The following RCOR1 variants were observed in gnomAD, a reference collection of about 807,000 sequenced individuals.
RCOR1 encodes REST corepressor 1.
A neutral mutation model predicts 64.0 loss-of-function variants in RCOR1; 12 were observed. The observed-to-expected ratio is 0.19, with a 90% CI of 0.12 to 0.30. The LOEUF is 0.30. Ranked by LOEUF, RCOR1 falls within the 10% of genes least tolerant of loss-of-function variation. The probability of loss-of-function intolerance (pLI) is 1.00; values close to 1 mark genes in which losing one functional copy is unlikely to be tolerated. For synonymous variants in RCOR1, 279 were observed against 227.2 expected (o/e 1.23, Z -2.05); for missense variants, 502 against 621.2 (o/e 0.81, Z 2.04).
At chr14:102,658,486 AAAT>A (rs1894769443) in intron 2 of RCOR1, 2 of 978,870 alleles carry the variant, frequency 2.0e-6, no homozygotes, top group Non-Finnish European at 2.4e-6. Flanking sequence ...ACTCTGAAAA[AAAT>A]AATAATAAAA....
chr14:102,716,967 A>G (rs1038256233), intron 8 of RCOR1, among the ~76,000 whole-genome samples: 1 of 152,094 alleles, frequency 6.6e-6, no homozygotes, highest in African/African-American at 2.4e-5. Flanking sequence ...ATACCCCTCT[A>G]CTTCTATAGG....
chr14:102,673,039 AAC>A (rs1895060580), intron 2 of RCOR1, among the ~76,000 whole-genome samples: 1 of 152,232 alleles, frequency 6.6e-6, no homozygotes, highest in Admixed American at 6.5e-5. Flanking sequence ...TTGTCTGCTT[AAC>A]ACTGGGATTT....
intron 2 of RCOR1, among the ~76,000 whole-genome samples, chr14:102,607,458 A>G (rs189758863): frequency 5.3e-5 from 8 of 152,174 alleles, no homozygotes; most frequent in Non-Finnish European, 8.8e-5. Flanking sequence ...AAAATTGACT[A>G]TTTTTTGGCC....
chr14:102,628,278 CAGAT>C (rs1220760774), intron 2 of RCOR1, among the ~76,000 whole-genome samples: 1 of 152,214 alleles, frequency 6.6e-6, no homozygotes, highest in Non-Finnish European at 1.5e-5. Context: ...AGCACTGTCA[CAGAT>C]AGACCCAGAA....
At chr14:102,605,023 G>A (rs796754030) in intron 2 of RCOR1, among the ~76,000 whole-genome samples, 8 of 144,978 alleles carry the variant, frequency 5.5e-5, no homozygotes, top group African/African-American at 1.3e-4. Flanking sequence ...AGCCGAGATC[G>A]TGCCACTGCA....
At chr14:102,648,004 T>C (rs1894510801) in intron 2 of RCOR1, among the ~76,000 whole-genome samples, 1 of 152,206 alleles carries the variant, frequency 6.6e-6, no homozygotes, top group Admixed American at 6.5e-5. Context: ...GATGGTCATA[T>C]TATTCCAGAT....
intron 2 of RCOR1, among the ~76,000 whole-genome samples, chr14:102,597,116 G>T (rs1370041328): frequency 7.0e-6 from 1 of 143,520 alleles, no homozygotes; most frequent in Non-Finnish European, 1.5e-5. Flanking sequence ...CAGGTGATCT[G>T]CCCCCCTCGG....
At chr14:102,603,690 A>G (rs1021738694) in intron 2 of RCOR1, among the ~76,000 whole-genome samples, 12 of 151,406 alleles carry the variant, frequency 7.9e-5, no homozygotes, top group African/African-American at 2.7e-4. Flanking sequence ...GCTTAATCTC[A>G]GCTCACTGCA....
chr14:102,662,529 G>A (rs1894844669), intron 2 of RCOR1: 4 of 505,646 alleles, frequency 7.9e-6, no homozygotes, highest in Non-Finnish European at 1.6e-5. Flanking sequence ...CTCTTCTGAG[G>A]ATATTTGGGC....
rs117531375 is a variant in RCOR1, at chr14:102,635,978, T to A, written c.361+42653T>A. 9.4e-4 allele frequency among the ~76,000 whole-genome samples: 138 copies of A among 147,294 alleles called. 2 individuals are homozygous for A. In the East Asian group the frequency reaches 0.027, roughly 29 times the overall value. On this transcript the variant is annotated intron_variant, in intron 2 of 11. Transcript: ENST00000262241. Reference sequence around the variant, plus strand: ...TCCCTTCTGACAGAGAGTCTCACTCTGTCGCCCAGGCTGGAGTGTAGTGTC... The same window carrying A: ...TCCCTTCTGACAGAGAGTCTCACTCAGTCGCCCAGGCTGGAGTGTAGTGTC...
chr14:102,651,934 G>A (rs4906246), intron 2 of RCOR1, among the ~76,000 whole-genome samples: 36,059 of 152,114 alleles, frequency 0.24, 5,343 homozygotes, highest in East Asian at 0.55. Context: ...CTCTCAAATT[G>A]ATTCTCAGTA....
rs1295108954 is a variant in RCOR1, at chr14:102,708,568, G to A, written c.764G>A (p.Arg255Gln). 2 of 1,602,646 alleles carry A rather than the reference G, an allele frequency of 1.2e-6. No homozygotes were observed. The highest frequency in any genetic ancestry group is 1.3e-5 in the African/African-American group (1 of 74,744). Residue 255 changes from arginine to glutamine, a missense_variant, in exon 6 of 12, where the codon CGG becomes CAG. Physicochemically the swap from Arg to Gln is conservative, Grantham distance 43. Coordinates refer to ENST00000262241, the MANE Select transcript of RCOR1 (RefSeq NM_015156.4). The stretch of plus-strand genomic sequence containing the variant: ...GATCGCCATGCCCGGAAACAAAAAC[G>A]GGAGCGGGAGGAGAGGTGAGCACAT... ...VMDRHARKQK[R>Q]EREESEDELE...
chr14:102,722,547 G>A (rs1443227274), intron 11 of RCOR1, 131 bp downstream of exon 11: 1 of 671,874 alleles, frequency 1.5e-6, no homozygotes, highest in Non-Finnish European at 2.6e-6. Context: ...ACTCTTACCT[G>A]TAAATAGCCG....
At chr14:102,716,328 T>C (rs1209910228) in intron 8 of RCOR1, among the ~76,000 whole-genome samples, 2 of 152,196 alleles carry the variant, frequency 1.3e-5, no homozygotes, top group East Asian at 1.9e-4. Context: ...TAAATATGTT[T>C]TGCATTCTGT....
At chr14:102,676,187 G>A (rs987746621) in intron 2 of RCOR1, among the ~76,000 whole-genome samples, 2 of 150,130 alleles carry the variant, frequency 1.3e-5, no homozygotes, top group African/African-American at 2.5e-5. Context: ...CCACAAAACC[G>A]CCATTGTCAT....
intron 2 of RCOR1, chr14:102,662,440 G>A: frequency 1.8e-6 from 1 of 551,058 alleles, no homozygotes; most frequent in South Asian, 1.4e-5. Context: ...TGTTGTCCTC[G>A]CTCTTCTTCA....
chr14:102,692,430 G>A (rs1017764925), intron 3 of RCOR1, among the ~76,000 whole-genome samples: 1 of 129,738 alleles, frequency 7.7e-6, no homozygotes, highest in Non-Finnish European at 1.6e-5. Context: ...AAGTAGTTCA[G>A]GAAAAAGTTA....
rs151129481 is a variant in RCOR1, at chr14:102,726,054, C to T, written c.1420-414C>T. 3.9e-4 allele frequency among the ~76,000 whole-genome samples: 59 copies of T among 151,582 alleles called. No individual in the cohort carries two copies. In the East Asian group the frequency reaches 9.5e-3, roughly 24 times the overall value. ...GCCCTTAAGAACATGGTGGGCTGGG[C>T]GTGGGGGCCCACACATGTAATCCCA... On this transcript the variant is annotated intron_variant, in intron 11 of 11. Coordinates refer to ENST00000262241, the MANE Select transcript of RCOR1 (RefSeq NM_015156.4).
Position 102,717,905 on chromosome 14 carries a change from G to A in RCOR1, c.1054-3102G>A, listed in dbSNP as rs552301428. Among the ~76,000 whole-genome samples, 13 of 152,054 alleles carry A rather than the reference G, an allele frequency of 8.5e-5. No homozygotes were observed. In the South Asian group the frequency reaches 2.3e-3, roughly 27 times the overall value. On this transcript the variant is annotated intron_variant, in intron 8 of 11. Coordinates refer to ENST00000262241, the MANE Select transcript of RCOR1 (RefSeq NM_015156.4). ...GATTTCCTTTCCACAGCCTTTTAGC[G>A]CCACAGTGCAGCAGTGTGTTCATTG...
Sources: allele counts gnomAD v4.1 joint callset (sites outside exome capture counted in the v4.1 genomes callset), GRCh38; gene constraint gnomAD v4.1.1; transcripts MANE v1.5; gene names NCBI Gene and HGNC (gene_info 2026-07-23, HGNC 2026-07-21).